AUTS2: variants seen among roughly 807,000 people sequenced by gnomAD.
AUTS2 encodes autism susceptibility gene 2 protein.
In AUTS2, 17 loss-of-function variants were observed where a neutral mutation model predicts 112.4. The observed-to-expected ratio is 0.15, with a 90% CI of 0.10 to 0.23. The LOEUF (loss-of-function observed/expected upper bound fraction) is 0.23, where lower values mean the gene tolerates loss of function less well. Ranked by LOEUF, AUTS2 falls within the 10% of genes least tolerant of loss-of-function variation. The pLI is 1.00. For synonymous variants in AUTS2, 751 were observed against 702.7 expected (o/e 1.07, Z -1.09); for missense variants, 1,510 against 1,701.6 (o/e 0.89, Z 1.98).
chr7:69,663,409 A>G (rs1795891741), intron 1 of AUTS2: 1 of 152,168 alleles, frequency 6.6e-6, no homozygotes, highest in African/African-American at 2.4e-5. Flanking sequence ...GTGCCCAACC[A>G]GAAATAATAA....
At chr7:69,756,044 C>T (rs930255742) in intron 1 of AUTS2, among the ~76,000 whole-genome samples, 1 of 152,196 alleles carries the variant, frequency 6.6e-6, no homozygotes, top group Non-Finnish European at 1.5e-5. Context: ...GGTCACAGGG[C>T]AAAGACAAGT....
At chr7:70,196,365 C>T (rs73171711) in intron 4 of AUTS2, among the ~76,000 whole-genome samples, 5,846 of 152,250 alleles carry the variant, frequency 0.038, 152 homozygotes, top group Middle Eastern at 0.082. Flanking sequence ...AGCTTTCCCT[C>T]CCTTCTTTTA....
intron 2 of AUTS2, among the ~76,000 whole-genome samples, chr7:70,032,523 A>C (rs1800828139): frequency 6.6e-6 from 1 of 152,106 alleles, no homozygotes; most frequent in Non-Finnish European, 1.5e-5. Flanking sequence ...CAAACCTATG[A>C]TCATCCTTAA....
intron 4 of AUTS2, among the ~76,000 whole-genome samples, chr7:70,348,904 A>C (rs1378570407): frequency 2.0e-5 from 3 of 152,244 alleles, no homozygotes; most frequent in African/African-American, 7.2e-5. Context: ...TCTAAGGTCT[A>C]AATATGTGCT....
intron 1 of AUTS2, among the ~76,000 whole-genome samples, chr7:69,637,084 T>A (rs2129112322): frequency 6.6e-6 from 1 of 152,320 alleles, no homozygotes; most frequent in South Asian, 2.1e-4. Flanking sequence ...ACATTTTAAA[T>A]GTCTGCATAA....
chr7:70,675,854 A>G (rs1807884213), intron 5 of AUTS2, among the ~76,000 whole-genome samples: 1 of 152,168 alleles, frequency 6.6e-6, no homozygotes, highest in Non-Finnish European at 1.5e-5. Context: ...AGAAGCAGCG[A>G]GACTTCTGAC....
At chr7:70,466,246 A>G (rs1797162661) in intron 5 of AUTS2, among the ~76,000 whole-genome samples, 1 of 152,180 alleles carries the variant, frequency 6.6e-6, no homozygotes, top group Non-Finnish European at 1.5e-5. Flanking sequence ...AGAAATTGTT[A>G]TGTCATGGGA....
At chr7:69,936,498 C>T (rs1227888951) in intron 2 of AUTS2, among the ~76,000 whole-genome samples, 19 of 151,960 alleles carry the variant, frequency 1.3e-4, no homozygotes, top group South Asian at 4.2e-4. Context: ...TACAGGTGCC[C>T]GCCACCACAC....
chr7:70,341,906 A>G (rs1791281530), intron 4 of AUTS2, among the ~76,000 whole-genome samples: 1 of 152,348 alleles, frequency 6.6e-6, no homozygotes, highest in Non-Finnish European at 1.5e-5. Flanking sequence ...TATCACTTCA[A>G]CTATAGGTTC....
intron 5 of AUTS2, among the ~76,000 whole-genome samples, chr7:70,534,222 C>T (rs1800214795): frequency 6.6e-6 from 1 of 152,142 alleles, no homozygotes; most frequent in Non-Finnish European, 1.5e-5. Context: ...CCTCATGGTG[C>T]CCTGCTGGTT....
chr7:70,003,450 TATAA>T (rs1161437355), intron 2 of AUTS2, among the ~76,000 whole-genome samples: 52 of 91,494 alleles, frequency 5.7e-4, no homozygotes, highest in Admixed American at 9.9e-4. Flanking sequence ...TATGAATATA[TATAA>T]TATATATGAA....
At chr7:69,891,708 TA>T (rs1306173950) in intron 1 of AUTS2, among the ~76,000 whole-genome samples, 1 of 151,440 alleles carries the variant, frequency 6.6e-6, no homozygotes, top group Admixed American at 6.6e-5. Context: ...TTTTAAGTTG[TA>T]TTTCCCTAAT....
intron 4 of AUTS2, among the ~76,000 whole-genome samples, chr7:70,137,465 T>TC (rs1368536841): frequency 6.6e-6 from 1 of 151,774 alleles, no homozygotes; most frequent in Non-Finnish European, 1.5e-5. Context: ...GGATTTTCTT[T>TC]TTTTTTTTTG....
intron 4 of AUTS2, among the ~76,000 whole-genome samples, chr7:70,434,149 C>A (rs918727493): frequency 7.9e-5 from 12 of 152,162 alleles, no homozygotes; most frequent in African/African-American, 2.7e-4. Context: ...TCTTTGTTTA[C>A]TGGGGAGACA....
chr7:70,604,649 C>A (rs1397587496), intron 5 of AUTS2, among the ~76,000 whole-genome samples: 1 of 152,238 alleles, frequency 6.6e-6, no homozygotes, highest in Non-Finnish European at 1.5e-5. Context: ...GAGCATCTAG[C>A]CCACTCCACT....
intron 1 of AUTS2, among the ~76,000 whole-genome samples, chr7:69,868,812 C>T (rs1424864769): frequency 6.6e-6 from 1 of 152,144 alleles, no homozygotes; most frequent in African/African-American, 2.4e-5. Flanking sequence ...ATTGCTCTTT[C>T]CACTACCTGT....
intron 5 of AUTS2, among the ~76,000 whole-genome samples, chr7:70,456,871 G>C (rs1426956915): frequency 6.6e-6 from 1 of 152,226 alleles, no homozygotes; most frequent in Non-Finnish European, 1.5e-5. Context: ...GGAGTGTGAA[G>C]TGTGACTTGC....
chr7:70,086,383 T>G (rs1311790870), intron 2 of AUTS2, among the ~76,000 whole-genome samples: 7 of 152,194 alleles, frequency 4.6e-5, no homozygotes, highest in Non-Finnish European at 1.0e-4. Flanking sequence ...GGCTCACGCC[T>G]GTAATCCTAG....
intron 4 of AUTS2, among the ~76,000 whole-genome samples, chr7:70,245,131 AAAGTGTGTGT>A (rs1292609625): frequency 2.8e-5 from 2 of 71,058 alleles, no homozygotes; most frequent in African/African-American, 1.1e-4. Flanking sequence ...AAAAAAAAAA[AAAGTGTGTGT>A]GTGTATATAT....
Sources: allele counts gnomAD v4.1 joint callset (sites outside exome capture counted in the v4.1 genomes callset), GRCh38; gene constraint gnomAD v4.1.1; transcripts MANE v1.5; gene names NCBI Gene and HGNC (gene_info 2026-07-23, HGNC 2026-07-21).